LRRTM4: variants seen among roughly 807,000 people sequenced by gnomAD.
LRRTM4 encodes leucine rich repeat transmembrane neuronal 4.
In LRRTM4, 25 loss-of-function variants were observed where a neutral mutation model predicts 47.6. The ratio of observed to expected loss-of-function variants is 0.53; its 90% CI spans 0.38 to 0.73. The LOEUF is 0.73. LRRTM4 is among the 30% of genes least tolerant of loss of function. LRRTM4 has a pLI of 0.00. For missense variants in LRRTM4, 638 were observed against 713.4 expected (o/e 0.89, Z 1.20); for synonymous variants, 311 against 269.5 (o/e 1.15, Z -1.51).
intron 3 of LRRTM4, among the ~76,000 whole-genome samples, chr2:77,504,736 G>A (rs1189315133): frequency 6.6e-6 from 1 of 151,418 alleles, no homozygotes; most frequent in African/African-American, 2.4e-5. Context: ...ATAGTTTGTA[G>A]TGCAGTGGTC....
intron 3 of LRRTM4, among the ~76,000 whole-genome samples, chr2:76,967,898 C>T (rs954448767): frequency 1.3e-5 from 2 of 151,070 alleles, no homozygotes; most frequent in African/African-American, 4.9e-5. Flanking sequence ...TTGAAGTGAA[C>T]AGACACTATG....
intron 3 of LRRTM4, among the ~76,000 whole-genome samples, chr2:76,895,066 AAT>A (rs80043069): frequency 0.017 from 2,527 of 152,076 alleles, 100 homozygotes; most frequent in East Asian, 0.13. Flanking sequence ...CAAACATTTC[AAT>A]AGTTTAAAAT....
chr2:76,988,945 T>C (rs1242226420), intron 3 of LRRTM4, among the ~76,000 whole-genome samples: 1 of 151,844 alleles, frequency 6.6e-6, no homozygotes, highest in Non-Finnish European at 1.5e-5. Flanking sequence ...AAATAACCTC[T>C]GAGAAATAAT....
At chr2:77,195,599 T>A (rs989887777) in intron 3 of LRRTM4, among the ~76,000 whole-genome samples, 2 of 152,118 alleles carry the variant, frequency 1.3e-5, no homozygotes, top group Non-Finnish European at 2.9e-5. Flanking sequence ...TATTTGTCTT[T>A]AAGCTAACAT....
chr2:77,031,943 T>C, intron 3 of LRRTM4, among the ~76,000 whole-genome samples: 1 of 152,090 alleles, frequency 6.6e-6, no homozygotes, highest in African/African-American at 2.4e-5. Context: ...CCTAACATGA[T>C]TGTCAACTCC....
At chr2:77,014,434 C>T (rs925780837) in intron 3 of LRRTM4, among the ~76,000 whole-genome samples, 2 of 151,532 alleles carry the variant, frequency 1.3e-5, no homozygotes, top group African/African-American at 2.4e-5. Flanking sequence ...TCTCGTCCCT[C>T]TTGTCCCATG....
At chr2:76,812,776 C>CCTCCCTCCCCCCTT (rs1553413542) in intron 3 of LRRTM4, among the ~76,000 whole-genome samples, 1 of 85,636 alleles carries the variant, frequency 1.2e-5, no homozygotes, top group African/African-American at 5.7e-5. Context: ...CTCTCCCTCC[C>CCTCCCTCCCCCCTT]CCTCCTCCTC....
intron 3 of LRRTM4, among the ~76,000 whole-genome samples, chr2:77,477,280 G>A (rs1240191501): frequency 6.6e-6 from 1 of 152,036 alleles, no homozygotes; most frequent in African/African-American, 2.4e-5. Flanking sequence ...AAAATTCTGA[G>A]TGATATCATG....
At chr2:76,965,211 C>G (rs1377795796) in intron 3 of LRRTM4, among the ~76,000 whole-genome samples, 1 of 151,030 alleles carries the variant, frequency 6.6e-6, no homozygotes, top group African/African-American at 2.4e-5. Context: ...CAGCATTACC[C>G]TACCAGCAAA....
At chr2:77,136,339 C>A (rs1671941140) in intron 3 of LRRTM4, among the ~76,000 whole-genome samples, 1 of 152,312 alleles carries the variant, frequency 6.6e-6, no homozygotes, top group Non-Finnish European at 1.5e-5. Flanking sequence ...TGTTCTGCAG[C>A]CTCCGCTGCT....
chr2:76,801,043 G>C (rs982313339), intron 3 of LRRTM4, among the ~76,000 whole-genome samples: 8 of 148,514 alleles, frequency 5.4e-5, no homozygotes, highest in African/African-American at 5.0e-5. Context: ...GGAGAAATAG[G>C]AACACTTTTA....
At chr2:77,217,440 A>AATATATATATATATATATATTTAT (rs1674484822) in intron 3 of LRRTM4, among the ~76,000 whole-genome samples, 7 of 76,818 alleles carry the variant, frequency 9.1e-5, no homozygotes, top group African/African-American at 4.4e-4. Context: ...CTCCAAATGA[A>AATATATATATATATATATATTTAT]ATATATATAT....
chr2:76,872,731 G>A (rs1476463973), intron 3 of LRRTM4, among the ~76,000 whole-genome samples: 1 of 152,024 alleles, frequency 6.6e-6, no homozygotes, highest in Non-Finnish European at 1.5e-5. Context: ...GTTTCCTAAT[G>A]TAGGAGGTGA....
intron 3 of LRRTM4, among the ~76,000 whole-genome samples, chr2:77,064,843 T>C (rs1322615677): frequency 2.0e-5 from 3 of 152,186 alleles, no homozygotes; most frequent in Non-Finnish European, 4.4e-5. Flanking sequence ...CTGCTTTCTC[T>C]GCCTTTTCTG....
intron 3 of LRRTM4, among the ~76,000 whole-genome samples, chr2:77,164,851 A>G (rs1672834250): frequency 6.6e-6 from 1 of 152,212 alleles, no homozygotes; most frequent in Non-Finnish European, 1.5e-5. Context: ...AATGCCCACA[A>G]GAGAAAGCAG....
At chr2:77,280,181 A>G (rs143260021) in intron 3 of LRRTM4, among the ~76,000 whole-genome samples, 117 of 152,062 alleles carry the variant, frequency 7.7e-4, no homozygotes, top group African/African-American at 2.6e-3. Flanking sequence ...GAAATACACC[A>G]TGGCTGGCTT....
intron 3 of LRRTM4, among the ~76,000 whole-genome samples, chr2:77,006,000 A>G (rs1178012176): frequency 1.3e-5 from 2 of 152,254 alleles, no homozygotes; most frequent in East Asian, 3.8e-4. Context: ...AGCAAATAGA[A>G]GAGTCAGGAT....
At chr2:77,218,159 TA>T in intron 3 of LRRTM4, among the ~76,000 whole-genome samples, 1 of 152,224 alleles carries the variant, frequency 6.6e-6, no homozygotes, top group Middle Eastern at 3.4e-3. Context: ...CATGCCTGAC[TA>T]ATTTTGTATT....
At chr2:77,049,532 C>T (rs1425539594) in intron 3 of LRRTM4, among the ~76,000 whole-genome samples, 1 of 151,806 alleles carries the variant, frequency 6.6e-6, no homozygotes, top group African/African-American at 2.4e-5. Context: ...ATTGGTATTT[C>T]TCTGATGATT....
Sources: allele counts gnomAD v4.1 joint callset (sites outside exome capture counted in the v4.1 genomes callset), GRCh38; gene constraint gnomAD v4.1.1; transcripts MANE v1.5; gene names NCBI Gene and HGNC (gene_info 2026-07-23, HGNC 2026-07-21).